The following SLCO1B3 variants were observed in gnomAD, a reference collection of about 807,000 sequenced individuals.
SLCO1B3 encodes the protein solute carrier organic anion transporter family member 1B3.
Under a neutral mutation model 71.8 loss-of-function variants are expected in SLCO1B3, and 72 were observed. The observed-to-expected ratio is 1.00, with a 90% CI of 0.83 to 1.22. The LOEUF is 1.22. SLCO1B3 is among the 50% of genes most tolerant of loss of function. The pLI, the probability that SLCO1B3 is intolerant of heterozygous loss-of-function variation, is 0.00. For missense variants in SLCO1B3, 911 were observed against 819.7 expected, an observed-to-expected ratio of 1.11 and a Z score of -1.36; for synonymous variants, 298 against 278.4, an observed-to-expected ratio of 1.07 and a Z score of -0.70.
intron 15 of SLCO1B3, among the ~76,000 whole-genome samples, chr12:20,907,444 TTCCCCTTCCTTCCCC>T (rs1866271524): frequency 1.3e-5 from 1 of 76,342 alleles, no homozygotes; most frequent in Non-Finnish European, 2.6e-5. Context: ...CCCCCTTCCC[TTCCCCTTCCTTCCCC>T]TCCCTTCCCC....
At chr12:20,828,538 AAC>A (rs1864474625) in intron 3 of SLCO1B3, among the ~76,000 whole-genome samples, 1 of 152,052 alleles carries the variant, frequency 6.6e-6, no homozygotes, top group Admixed American at 6.6e-5. Flanking sequence ...AAATGAATGA[AAC>A]AGTCAACTGA....
At chr12:20,904,530 A>C (rs188863157) in intron 15 of SLCO1B3, among the ~76,000 whole-genome samples, 1 of 152,078 alleles carries the variant, frequency 6.6e-6, no homozygotes, top group African/African-American at 2.4e-5. Flanking sequence ...ATGGGCTGGT[A>C]CTGAGTGCCT....
At chr12:20,903,533 C>A (rs1047106431) in intron 15 of SLCO1B3, among the ~76,000 whole-genome samples, 1 of 152,040 alleles carries the variant, frequency 6.6e-6, no homozygotes, top group African/African-American at 2.4e-5. Flanking sequence ...ACAATCATGG[C>A]AGAAGCCTAA....
chr12:20,845,444 C>T (rs746440586), intron 3 of SLCO1B3, among the ~76,000 whole-genome samples: 4 of 152,176 alleles, frequency 2.6e-5, no homozygotes, highest in Non-Finnish European at 5.9e-5. Flanking sequence ...CCTGTGACTA[C>T]CGCATTTGTC....
At chr12:20,900,028 CTAA>C (rs1419914519) in intron 14 of SLCO1B3, among the ~76,000 whole-genome samples, 11 of 152,130 alleles carry the variant, frequency 7.2e-5, no homozygotes, top group African/African-American at 2.7e-4. Flanking sequence ...ATTTACAATT[CTAA>C]TAAGACAAAG....
Position 20,900,121 on chromosome 12 carries a change from A to AT in SLCO1B3, c.1748-1220dup, listed in dbSNP as rs4149168. Among the ~76,000 whole-genome samples the AT allele has an allele frequency of 2.2e-4, 33 of 151,628 alleles. No homozygotes were observed. The East Asian group carries it at 3.3e-3, about 15-fold the overall frequency. ...TGAAGAAAATAAATTGTTGGCATCT[A>AT]TTTTTTTTTATTTTTCTAAGGGTCG... On this transcript the variant is annotated intron_variant, in intron 14 of 15. Coordinates refer to ENST00000381545, the MANE Select transcript of SLCO1B3 (RefSeq NM_019844.4).
Position 20,858,462 on chromosome 12 carries a change from G to C in SLCO1B3, c.250G>C (p.Val84Leu), listed in dbSNP as rs760232101. ...EIGNLLVIVF[V>L]SYFGSKLHRP... ...AGGAAATTTGCTTGTGATTGTATTT[G>C]TAAGTTACTTTGGATCTAAACTACA... The change falls in exon 5 of 16, where the codon GTA (valine) becomes CTA (leucine). Residue 84 changes from valine (V) to leucine (L), a missense_variant. Val to Leu is a conservative substitution (Grantham distance 32). Transcript: ENST00000381545. 6.3e-7 allele frequency: 1 copy of C among 1,590,040 alleles called. No individual in the cohort carries two copies. The highest frequency in any genetic ancestry group is 1.1e-5 in the South Asian group (1 of 90,408).
intron 8 of SLCO1B3, among the ~76,000 whole-genome samples, chr12:20,874,823 A>G (rs1371859056): frequency 1.3e-5 from 2 of 152,178 alleles, no homozygotes; most frequent in African/African-American, 4.8e-5. Context: ...CCAGCTGCTT[A>G]AATTTTATTT....
intron 10 of SLCO1B3, among the ~76,000 whole-genome samples, chr12:20,878,889 A>C (rs1308754417): frequency 1.9e-5 from 2 of 103,284 alleles, no homozygotes; most frequent in African/African-American, 5.5e-5. Flanking sequence ...ATATTAATTC[A>C]AGAATTTAAT....
At chr12:20,812,966 G>A (rs1330805259) in intron 1 of SLCO1B3, among the ~76,000 whole-genome samples, 1 of 152,134 alleles carries the variant, frequency 6.6e-6, no homozygotes, top group African/African-American at 2.4e-5. Context: ...AAAAAGTGGT[G>A]TAAATTTATT....
At chr12:20,883,938 G>A (rs1343271529) in intron 13 of SLCO1B3, among the ~76,000 whole-genome samples, 1 of 152,150 alleles carries the variant, frequency 6.6e-6, no homozygotes, top group Non-Finnish European at 1.5e-5. Context: ...TAATGAGCCA[G>A]TTAAGAGTAA....
chr12:20,850,528 C>T lies in SLCO1B3; in HGVS notation c.85-4500C>T, dbSNP rs912141321. Among the ~76,000 whole-genome samples the T allele has an allele frequency of 8.5e-5, 13 of 152,198 alleles. No homozygotes were observed. In the South Asian group the frequency reaches 1.0e-3, roughly 12 times the overall value. On this transcript the variant is annotated intron_variant, in intron 3 of 15. Coordinates refer to ENST00000381545, the MANE Select transcript of SLCO1B3 (RefSeq NM_019844.4). ...CGATCTCCTGACCTCGTGATCCACC[C>T]GCCTCGGCCTCCCAAAGCGCTGGGA...
intron 1 of SLCO1B3, among the ~76,000 whole-genome samples, chr12:20,811,998 C>A (rs1284254605): frequency 2.0e-5 from 3 of 150,686 alleles, no homozygotes; most frequent in Non-Finnish European, 4.4e-5. Flanking sequence ...ACCTCAGCCT[C>A]CTGGGTTCAA....
At chr12:20,901,730 C>T (rs7970514) in intron 15 of SLCO1B3, among the ~76,000 whole-genome samples, 15,393 of 152,020 alleles carry the variant, frequency 0.1, 1,055 homozygotes, top group Middle Eastern at 0.22. Flanking sequence ...TCAAAAATTG[C>T]ACAACTAAAA....
At chr12:20,873,281 T>G (rs1423863809) in intron 8 of SLCO1B3, among the ~76,000 whole-genome samples, 2 of 152,162 alleles carry the variant, frequency 1.3e-5, no homozygotes, top group East Asian at 3.9e-4. Flanking sequence ...TCAGAAAAGA[T>G]GAAATGTTAT....
intron 3 of SLCO1B3, among the ~76,000 whole-genome samples, chr12:20,840,882 C>A (rs1406792772): frequency 6.6e-6 from 1 of 152,070 alleles, no homozygotes; most frequent in Admixed American, 6.6e-5. Context: ...ACAAAGTGCT[C>A]TGGCCTATTT....
intron 13 of SLCO1B3, among the ~76,000 whole-genome samples, chr12:20,896,938 G>A (rs184700846): frequency 5.8e-4 from 89 of 152,316 alleles, no homozygotes; most frequent in Admixed American, 2.0e-3. Flanking sequence ...AGCAAGGAGA[G>A]TTTGTGCAGG....
chr12:20,840,465 C>T (rs945860745), intron 3 of SLCO1B3, among the ~76,000 whole-genome samples: 2 of 150,226 alleles, frequency 1.3e-5, no homozygotes, highest in African/African-American at 4.9e-5. Flanking sequence ...GATCTTAGCT[C>T]ACTACAGCCT....
At chr12:20,874,309 G>A (rs1454345422) in intron 8 of SLCO1B3, among the ~76,000 whole-genome samples, 4 of 152,158 alleles carry the variant, frequency 2.6e-5, no homozygotes, top group Non-Finnish European at 2.9e-5. Context: ...TAATACTGAG[G>A]AGGAGAATGG....
Sources: gnomAD v4.1 joint callset for allele counts (sites outside exome capture counted in the v4.1 genomes callset) on GRCh38, gnomAD v4.1.1 for gene constraint, MANE v1.5 for transcripts, NCBI Gene and HGNC (gene_info 2026-07-23, HGNC 2026-07-21) for gene names.